Variants in ROR1 observed in about 807,000 individuals in gnomAD.
ROR1 encodes the protein ROR family WNT receptor 1, also known as inactive tyrosine-protein kinase transmembrane receptor ROR1.
ROR1 carries 19 observed loss-of-function variants against 78.8 expected under a neutral mutation model. The ratio of observed to expected loss-of-function variants is 0.24; its 90% CI spans 0.17 to 0.35. The LOEUF (loss-of-function observed/expected upper bound fraction) is 0.35. Among genes scored for constraint, ROR1 ranks in the 10% least tolerant of loss-of-function variants. ROR1 has a pLI of 1.00. For synonymous variants in ROR1, 386 were observed against 433.6 expected, an observed-to-expected ratio of 0.89 and a Z score of 1.36; for missense variants, 917 against 1,177.8, an observed-to-expected ratio of 0.78 and a Z score of 3.24.
At chr1:63,816,997 C>T (rs951052445) in intron 1 of ROR1, among the ~76,000 whole-genome samples, 1 of 152,184 alleles carries the variant, frequency 6.6e-6, no homozygotes, top group African/African-American at 2.4e-5. Context: ...TCGTTCCTGA[C>T]CTCACTGCGC....
chr1:63,933,234 T>C (rs1001084786), intron 1 of ROR1, among the ~76,000 whole-genome samples: 2 of 152,188 alleles, frequency 1.3e-5, no homozygotes, highest in African/African-American at 4.8e-5. Flanking sequence ...CTGCATCTTA[T>C]AGCTGTGGGA....
chr1:63,928,300 G>A (rs1645724048), intron 1 of ROR1, among the ~76,000 whole-genome samples: 1 of 152,160 alleles, frequency 6.6e-6, no homozygotes, highest in Non-Finnish European at 1.5e-5. Context: ...AACATTTGCA[G>A]CAGTCTGGGT....
intron 4 of ROR1, chr1:64,094,377 A>C (rs549089688): frequency 6.6e-6 from 1 of 152,236 alleles, no homozygotes; most frequent in Non-Finnish European, 1.5e-5. Context: ...AGCAGGAGAG[A>C]GTTAAGACGT....
At chr1:63,946,005 A>G (rs1039155802) in intron 1 of ROR1, among the ~76,000 whole-genome samples, 7 of 152,156 alleles carry the variant, frequency 4.6e-5, no homozygotes, top group African/African-American at 1.4e-4. Context: ...TGGTCCTCCT[A>G]GGCAATTGTG....
rs149084735 is a variant in ROR1, at chr1:64,144,299, C to G, written c.1174+1649C>G. ...CCTTTTAGAAATCCAAAAAGAGATA[C>G]TGAGGAGGCAGTTTTATATCACAGA... On this transcript the variant is annotated intron_variant, in intron 7 of 8. Transcript: ENST00000371079. 6.8e-3 allele frequency among the ~76,000 whole-genome samples: 1,037 copies of G among 152,202 alleles called. 6 individuals are homozygous for G. The highest frequency in any genetic ancestry group is 0.012 in the Non-Finnish European group (800 of 68,016).
At chr1:63,921,403 C>T (rs1645653232) in intron 1 of ROR1, among the ~76,000 whole-genome samples, 1 of 151,976 alleles carries the variant, frequency 6.6e-6, no homozygotes, top group African/African-American at 2.4e-5. Flanking sequence ...CTTAGAGAAC[C>T]AAGTAAATGG....
chr1:63,890,779 G>A (rs951202603), intron 1 of ROR1, among the ~76,000 whole-genome samples: 1 of 152,064 alleles, frequency 6.6e-6, no homozygotes, highest in African/African-American at 2.4e-5. Flanking sequence ...AAGAAATTGG[G>A]CCATAATTGA....
At chr1:64,034,459 A>G (rs921773186) in intron 2 of ROR1, among the ~76,000 whole-genome samples, 2 of 152,188 alleles carry the variant, frequency 1.3e-5, no homozygotes, top group Non-Finnish European at 2.9e-5. Flanking sequence ...AAAAAATATG[A>G]ACGAGGGTGT....
intron 4 of ROR1, among the ~76,000 whole-genome samples, chr1:64,057,663 T>C (rs1157490327): frequency 2.6e-5 from 4 of 152,160 alleles, no homozygotes; most frequent in Non-Finnish European, 4.4e-5. Context: ...AGTCAGTTGA[T>C]TGTAGATGTT....
intron 4 of ROR1, among the ~76,000 whole-genome samples, chr1:64,073,020 A>G (rs772684526): frequency 2.5e-4 from 38 of 152,206 alleles, no homozygotes; most frequent in Admixed American, 3.3e-4. Flanking sequence ...GCTAACTGCA[A>G]GAGAGCCTTT....
chr1:64,180,399 A>G lies in ROR1; in HGVS notation c.*1544A>G, dbSNP rs148927727. The stretch of plus-strand genomic sequence containing the variant: ...AAATGATATTTGATGAGGAGAATGT[A>G]AGAGAATGAAAAACACATTGATGTT... On this transcript the variant is annotated 3_prime_UTR_variant, in exon 9 of 9. Coordinates refer to ENST00000371079, the MANE Select transcript of ROR1 (RefSeq NM_005012.4). 1.2e-4 allele frequency: 19 copies of G among 152,366 alleles called. 1 individual carries two copies. In the East Asian group the frequency reaches 3.7e-3, roughly 29 times the overall value. The allele number at this position is 152,366 out of a possible 1,614,324, so 9.4% of individuals were successfully genotyped here.
At chr1:63,976,008 G>T (rs1225301089) in intron 1 of ROR1, among the ~76,000 whole-genome samples, 1 of 152,312 alleles carries the variant, frequency 6.6e-6, no homozygotes, top group Non-Finnish European at 1.5e-5. Context: ...TTGAAAAAAT[G>T]TATTTTATAT....
At chr1:63,919,814 G>A (rs1254133368) in intron 1 of ROR1, among the ~76,000 whole-genome samples, 2 of 152,124 alleles carry the variant, frequency 1.3e-5, no homozygotes, top group African/African-American at 4.8e-5. Context: ...AATTATTAGC[G>A]ATGCACAGTG....
chr1:64,135,207 G>A (rs2100703983), intron 4 of ROR1, among the ~76,000 whole-genome samples: 1 of 152,262 alleles, frequency 6.6e-6, no homozygotes, highest in East Asian at 1.9e-4. Context: ...GATAAGAAAT[G>A]TGCAGCCAAG....
At chr1:64,176,689 A>T (rs1650390474) in intron 8 of ROR1, among the ~76,000 whole-genome samples, 1 of 152,208 alleles carries the variant, frequency 6.6e-6, no homozygotes, top group African/African-American at 2.4e-5. Flanking sequence ...TTTTGCGGGA[A>T]GTGGGGCCTG....
At chr1:64,164,431 A>C (rs1650030160) in intron 8 of ROR1, among the ~76,000 whole-genome samples, 1 of 152,236 alleles carries the variant, frequency 6.6e-6, no homozygotes, top group Non-Finnish European at 1.5e-5. Context: ...GATCTTAAGC[A>C]AATAACTAAC....
chr1:64,071,908 A>G (rs1383847086), intron 4 of ROR1, among the ~76,000 whole-genome samples: 2 of 152,106 alleles, frequency 1.3e-5, no homozygotes, highest in African/African-American at 4.8e-5. Flanking sequence ...CCTCTCTCTC[A>G]GTTGCCAGAG....
intron 1 of ROR1, among the ~76,000 whole-genome samples, chr1:63,877,515 G>A (rs1181774220): frequency 6.6e-6 from 1 of 152,096 alleles, no homozygotes; most frequent in Non-Finnish European, 1.5e-5. Flanking sequence ...CTCTTCATTT[G>A]TAAAATTGTG....
chr1:63,876,181 A>G (rs982172751), intron 1 of ROR1, among the ~76,000 whole-genome samples: 2 of 152,076 alleles, frequency 1.3e-5, no homozygotes, highest in African/African-American at 2.4e-5. Context: ...CTTGTTTTGA[A>G]TGTTTCTAAT....
Sources: allele counts gnomAD v4.1 joint callset (sites outside exome capture counted in the v4.1 genomes callset), GRCh38; gene constraint gnomAD v4.1.1; transcripts MANE v1.5; gene names NCBI Gene and HGNC (gene_info 2026-07-23, HGNC 2026-07-21).